The following SLC31A1 variants were observed in gnomAD, a reference collection of about 807,000 sequenced individuals.
SLC31A1 encodes high affinity copper uptake protein 1.
A neutral mutation model predicts 17.2 loss-of-function variants in SLC31A1; 5 were observed. The observed-to-expected ratio is 0.29, with a 90% CI of 0.15 to 0.61. The LOEUF (loss-of-function observed/expected upper bound fraction) is 0.61. Among genes scored for constraint, SLC31A1 ranks in the 20% least tolerant of loss-of-function variants. SLC31A1 has a pLI of 0.86. For synonymous variants in SLC31A1, 76 were observed against 78.8 expected (o/e 0.96, Z 0.19); for missense variants, 161 against 241.4 (o/e 0.67, Z 2.21).
chr9:113,222,148 A>C (rs7850029), intron 1 of SLC31A1, among the ~76,000 whole-genome samples: 20,738 of 152,222 alleles, frequency 0.14, 1,655 homozygotes, highest in East Asian at 0.34. Flanking sequence ...TCAGCCCTTA[A>C]GCACTGTGTG....
chr9:113,223,659 A>G (rs577374151), intron 1 of SLC31A1, among the ~76,000 whole-genome samples: 5 of 151,988 alleles, frequency 3.3e-5, no homozygotes, highest in African/African-American at 4.8e-5. Context: ...GGAAGCAGCA[A>G]TTTTTTTTCT....
chr9:113,253,616 A>T (rs1831686569), intron 1 of SLC31A1, among the ~76,000 whole-genome samples: 1 of 141,660 alleles, frequency 7.1e-6, no homozygotes, highest in East Asian at 2.1e-4. Context: ...GTGCAGTGGC[A>T]TGATCTCTGC....
rs868689459 is a variant in SLC31A1 at position 113,221,608 on chromosome 9, A to T, written c.-106A>T. ...CGGGTAGAAGTGGAGGGGCCGTTCG[A>T]AGAGTCGTGAGGGGGTGACGGGTTA... On this transcript the variant is annotated 5_prime_UTR_variant, in exon 1 of 5. Coordinates refer to ENST00000374212, the MANE Select transcript of SLC31A1 (RefSeq NM_001859.4). 2.5e-6 allele frequency: 1 copy of T among 393,796 alleles called. No homozygotes were observed. Among genetic ancestry groups the T allele is most frequent in the African/African-American group, 2.1e-5 (1 of 48,496 alleles). The allele number at this position is 393,796 out of a possible 1,614,324, so 24.4% of individuals were successfully genotyped here. A position where few individuals can be genotyped will look rare whatever the true frequency, so the allele number is the denominator to read the frequency against.
In SLC31A1 at chr9:113,264,185, A is replaced by AGG. The variant is rs1831828952; in HGVS notation, c.*3712_*3713insGG. On this transcript the variant is annotated 3_prime_UTR_variant, in exon 5 of 5. Transcript: ENST00000374212. ...AAAAATTAGCTGGGCGTGGTGGTGCATGCCTGTAATCCCAGCTACTCGGGA... is the reference window on the plus strand; with the variant it reads ...AAAAATTAGCTGGGCGTGGTGGTGCAGGTGCCTGTAATCCCAGCTACTCGGGA... 6.6e-6 allele frequency: 1 copy of AGG among 152,066 alleles called. No homozygotes were observed. Among genetic ancestry groups the AGG allele is most frequent in the Non-Finnish European group, 1.5e-5 (1 of 68,052 alleles). 9.4% of individuals were successfully genotyped at this position (152,066 alleles called of 1,614,324 possible).
chr9:113,242,423 G>A (rs561539107), intron 1 of SLC31A1, among the ~76,000 whole-genome samples: 75 of 152,248 alleles, frequency 4.9e-4, no homozygotes, highest in Non-Finnish European at 9.9e-4. Context: ...TTTGTTTTGA[G>A]ACAGAGTCTT....
chr9:113,247,101 T>G (rs906246114), intron 1 of SLC31A1, among the ~76,000 whole-genome samples: 1 of 152,196 alleles, frequency 6.6e-6, no homozygotes, highest in African/African-American at 2.4e-5. Context: ...CATCCCTGTT[T>G]ATGGTAGTGT....
At chr9:113,236,843 T>C (rs1831465910) in intron 1 of SLC31A1, among the ~76,000 whole-genome samples, 2 of 152,320 alleles carry the variant, frequency 1.3e-5, no homozygotes, top group South Asian at 2.1e-4. Flanking sequence ...GTAATCATTA[T>C]AAAGATTAAG....
Position 113,250,956 on chromosome 9 carries a change from G to C in SLC31A1, c.-35-5158G>C, listed in dbSNP as rs1368408796. ...CGTGTCTCTTTGCACATGCCCACTT[G>C]CCTTTCTGCTTCTCTGCCAGAAGCC... is the stretch of plus-strand genomic sequence containing the variant. On this transcript the variant is annotated intron_variant, in intron 1 of 4. Transcript: ENST00000374212. 2.6e-5 allele frequency among the ~76,000 whole-genome samples: 4 copies of C among 152,108 alleles called. No homozygotes were observed. The East Asian group carries it at 7.7e-4, about 29-fold the overall frequency.
intron 4 of SLC31A1, 56 bp from the exon 5 acceptor site, chr9:113,260,216 C>G: frequency 6.7e-7 from 1 of 1,495,652 alleles, no homozygotes; most frequent in Non-Finnish European, 9.3e-7. Context: ...CCTCTTTCTC[C>G]TGATCTGCAG....
intron 1 of SLC31A1, among the ~76,000 whole-genome samples, chr9:113,249,523 T>C (rs1227310739): frequency 6.6e-6 from 1 of 151,988 alleles, no homozygotes; most frequent in Non-Finnish European, 1.5e-5. Flanking sequence ...CGCACCACCA[T>C]GCCCAGCTAA....
At chr9:113,257,328 T>C (rs1264425412) in intron 3 of SLC31A1, 143 bp downstream of exon 3, 14 of 768,206 alleles carry the variant, frequency 1.8e-5, no homozygotes, top group Non-Finnish European at 3.2e-5. Context: ...TCCTATTTCC[T>C]ACCTAGAAGG....
At chr9:113,234,928 C>T (rs1170574869) in intron 1 of SLC31A1, among the ~76,000 whole-genome samples, 1 of 152,102 alleles carries the variant, frequency 6.6e-6, no homozygotes, top group Non-Finnish European at 1.5e-5. Context: ...GTTTTTGTAA[C>T]TTGTTACGAG....
At chr9:113,230,652 G>A (rs75993866) in intron 1 of SLC31A1, among the ~76,000 whole-genome samples, 1,722 of 152,258 alleles carry the variant, frequency 0.011, 32 homozygotes, top group African/African-American at 0.039. Flanking sequence ...ATGATCAAAC[G>A]ATGGTGTTTA....
At chr9:113,230,414 C>T (rs758177664) in intron 1 of SLC31A1, among the ~76,000 whole-genome samples, 23 of 152,236 alleles carry the variant, frequency 1.5e-4, no homozygotes, top group Admixed American at 2.0e-4. Context: ...TGCATCTCCA[C>T]GCCTGGCTAC....
At chr9:113,236,271 A>T (rs1039608199) in intron 1 of SLC31A1, among the ~76,000 whole-genome samples, 2 of 152,142 alleles carry the variant, frequency 1.3e-5, no homozygotes, top group African/African-American at 4.8e-5. Context: ...TACAGGTGTG[A>T]GCCACTGCGC....
At chr9:113,224,237 C>T (rs1051851054) in intron 1 of SLC31A1, among the ~76,000 whole-genome samples, 1 of 152,114 alleles carries the variant, frequency 6.6e-6, no homozygotes, top group Admixed American at 6.6e-5. Flanking sequence ...TTACTTTTGG[C>T]CCTTTATAGA....
At chr9:113,242,513 C>T (rs1044381812) in intron 1 of SLC31A1, among the ~76,000 whole-genome samples, 2 of 152,128 alleles carry the variant, frequency 1.3e-5, no homozygotes, top group Non-Finnish European at 2.9e-5. Context: ...GCAATCCTCC[C>T]ACTTCAGGGC....
intron 1 of SLC31A1, among the ~76,000 whole-genome samples, chr9:113,247,693 G>C (rs889407308): frequency 6.6e-6 from 1 of 152,128 alleles, no homozygotes; most frequent in African/African-American, 2.4e-5. Context: ...ACTATAAGGA[G>C]GTTTTGAAAG....
At chr9:113,246,681 A>G (rs898053204) in intron 1 of SLC31A1, among the ~76,000 whole-genome samples, 1 of 144,216 alleles carries the variant, frequency 6.9e-6, no homozygotes, top group African/African-American at 2.6e-5. Flanking sequence ...TATTTTATTT[A>G]TTGAGAAAGA....
Sources: allele counts gnomAD v4.1 joint callset (sites outside exome capture counted in the v4.1 genomes callset), GRCh38; gene constraint gnomAD v4.1.1; transcripts MANE v1.5; gene names NCBI Gene and HGNC (gene_info 2026-07-23, HGNC 2026-07-21).